The following BRCA2 variants were observed in gnomAD, a reference collection of about 807,000 sequenced individuals.
BRCA2 encodes the protein breast cancer type 2 susceptibility protein.
Under a neutral mutation model 276.7 loss-of-function variants are expected in BRCA2, and 203 were observed. The ratio of observed to expected loss-of-function variants is 0.73; its 90% CI spans 0.65 to 0.82. BRCA2 has a LOEUF of 0.82. Among genes scored for constraint, BRCA2 ranks in the 40% least tolerant of loss-of-function variants. BRCA2 has a pLI of 0.00. For synonymous variants in BRCA2, 1,289 were observed against 1,338.4 expected, an observed-to-expected ratio of 0.96 and a Z score of 0.81; for missense variants, 3,920 against 3,915.0, an observed-to-expected ratio of 1.00 and a Z score of -0.03.
At chr13:32,316,294 G>C (rs763675064) in intron 1 of BRCA2, 128 bp from the exon 2 acceptor site, 73 of 698,030 alleles carry the variant, frequency 1.0e-4, no homozygotes, top group Non-Finnish European at 1.8e-4. Context: ...ACAGTAAGCT[G>C]TTACCGTTCC....
rs587782583 is a variant in BRCA2 at position 32,339,979 on chromosome 13, A to C, written c.5624A>C (p.Lys1875Thr). Residue 1875 changes from lysine to threonine, a missense_variant, in exon 11 of 27, where the codon AAG (lysine) becomes ACG (threonine). By Grantham distance (78) the Lys-to-Thr change is moderately conservative. This residue lies in a region of BRCA2 where 3,263 missense variants were observed against 3,156.9 expected (regional missense o/e 1.03). Coordinates refer to ENST00000380152, the MANE Select transcript of BRCA2 (RefSeq NM_000059.4). ...ACAGACAGTTTCAGTAAAGTAATTA[A>C]GGAAAACAACGAGAATAAATCAAAA... is the stretch of plus-strand genomic sequence containing the variant. ...IFTDSFSKVI[K>T]ENNENKSKIC... is the part of the protein sequence containing the mutation. 1.9e-6 allele frequency: 3 copies of C among 1,611,348 alleles called. No homozygotes were observed. Among genetic ancestry groups the C allele is most frequent in the East Asian group, 4.5e-5 (2 of 44,854 alleles).
intron 24 of BRCA2, among the ~76,000 whole-genome samples, chr13:32,393,514 C>T (rs1285457185): frequency 2.6e-5 from 4 of 151,812 alleles, no homozygotes; most frequent in South Asian, 2.1e-4. Flanking sequence ...CATATGGACT[C>T]GTGTGTTCTT....
At chr13:32,351,524 C>T (rs1165806842) in intron 13 of BRCA2, among the ~76,000 whole-genome samples, 4 of 152,166 alleles carry the variant, frequency 2.6e-5, no homozygotes, top group Admixed American at 6.5e-5. Context: ...GGAACCAATT[C>T]CGGACACAGT....
In BRCA2 at chr13:32,356,597, T is replaced by G. The variant is rs966152147; in HGVS notation, c.7605T>G (p.Cys2535Trp). Reference protein sequence around the residue: ...AAVGGQVPSACSHKQLYTYGV... With the variant: ...AAVGGQVPSAWSHKQLYTYGV... ...TAGGAGGCCAAGTTCCCTCTGCGTGTTCTCATAAACAGGTATGTGTTTGTC... is the reference window on the plus strand; with the variant it reads ...TAGGAGGCCAAGTTCCCTCTGCGTGGTCTCATAAACAGGTATGTGTTTGTC... The change falls in exon 15 of 27, where the codon TGT (cysteine) becomes TGG (tryptophan). Residue 2535 changes from cysteine to tryptophan, a missense_variant. Coordinates refer to ENST00000380152, the MANE Select transcript of BRCA2 (RefSeq NM_000059.4). 2.5e-6 allele frequency: 4 copies of G among 1,614,204 alleles called. No homozygotes were observed. The highest frequency in any genetic ancestry group is 2.5e-6 in the Non-Finnish European group (3 of 1,180,020).
At position 32,394,886 on chromosome 13, in the gene BRCA2, G is replaced by A. The variant is rs80359218; in HGVS notation, c.9454G>A (p.Glu3152Lys). Reference sequence around the variant, plus strand: ...TTCTGTGTTTTCTGCTAGTCCAAAAGAGGGCCACTTTCAAGAGACATTCAA... The same window carrying A: ...TTCTGTGTTTTCTGCTAGTCCAAAAAAGGGCCACTTTCAAGAGACATTCAA... Reference protein sequence around the residue: ...DFSVFSASPKEGHFQETFNKM... With the variant: ...DFSVFSASPKKGHFQETFNKM... The change falls in exon 25 of 27, where the codon GAG becomes AAG. Residue 3152 changes from glutamate (E) to lysine (K), a missense_variant. Glu to Lys is a moderately conservative substitution (Grantham distance 56, BLOSUM62 1). Transcript: ENST00000380152. 1.1e-5 allele frequency: 18 copies of A among 1,614,094 alleles called. No individual in the cohort carries two copies. The Admixed American group carries it at 2.7e-4, about 24-fold the overall frequency.
Position 32,341,867 on chromosome 13 carries a change from C to CAA in BRCA2, c.6841+685_6841+686dup, listed in dbSNP as rs748134067. 1.7e-3 allele frequency among the ~76,000 whole-genome samples: 170 copies of CAA among 97,430 alleles called. 1 individual carries two copies. The highest frequency in any genetic ancestry group is 6.0e-3 in the African/African-American group (155 of 25,628). 63.9% of individuals were successfully genotyped at this position (97,430 alleles called of 152,430 possible). A position where few individuals can be genotyped will look rare whatever the true frequency, so the allele number is the denominator to read the frequency against. On this transcript the variant is annotated intron_variant, in intron 11 of 26. Transcript: ENST00000380152. The stretch of plus-strand genomic sequence containing the variant: ...TGGGCGACAGAGCGAGACTCCGTCT[C>CAA]AAAAAAAAAAAAAAAGTTGGTTTCC...
intron 14 of BRCA2, among the ~76,000 whole-genome samples, chr13:32,355,547 AC>A (rs1452186377): frequency 6.6e-6 from 1 of 152,148 alleles, no homozygotes; most frequent in African/African-American, 2.4e-5. Context: ...CTATCATGCT[AC>A]TAATTTTCTT....
At position 32,326,432 on chromosome 13, in the gene BRCA2, T is replaced by C. The variant is rs933685346; in HGVS notation, c.517-67T>C. The C allele has an allele frequency of 5.5e-6, 8 of 1,465,778 alleles. No individual in the cohort carries two copies. In the Admixed American group the frequency reaches 1.4e-4, roughly 25 times the overall value. 90.8% of individuals were successfully genotyped at this position (1,465,778 alleles called of 1,614,324 possible). On this transcript the variant is annotated intron_variant, in intron 6 of 26. Coordinates refer to ENST00000380152, the MANE Select transcript of BRCA2 (RefSeq NM_000059.4). ...AACGTTAAGTGAAATAAAGAGTGAA[T>C]GAAAAAATAATATCCTTAATGATCA... is the stretch of plus-strand genomic sequence containing the variant.
intron 9 of BRCA2, 23 bp downstream of exon 9, chr13:32,331,053 C>A (rs1229638410): frequency 1.3e-6 from 2 of 1,520,686 alleles, no homozygotes; most frequent in Non-Finnish European, 1.8e-6. Context: ...TTTAGTTGAA[C>A]TACAGGTTTT....
intron 16 of BRCA2, among the ~76,000 whole-genome samples, chr13:32,360,142 G>A (rs1819254385): frequency 6.6e-6 from 1 of 152,142 alleles, no homozygotes; most frequent in African/African-American, 2.4e-5. Context: ...AAAGGAGGGA[G>A]CATAGGACTA....
At chr13:32,341,867 C>CAAA (rs748134067) in intron 11 of BRCA2, among the ~76,000 whole-genome samples, 1 of 97,450 alleles carries the variant, frequency 1.0e-5, no homozygotes, top group Non-Finnish European at 2.2e-5. Context: ...GACTCCGTCT[C>CAAA]AAAAAAAAAA....
rs779226644 is a variant in BRCA2, at chr13:32,336,272, G to A, written c.1917G>A (p.Leu639=). The change falls in exon 11 of 27, where the codon TTG becomes TTA. Residue 639 remains leucine (L), a synonymous_variant. Transcript: ENST00000380152. ...LTFANADSGL[L]HSSVKRSCSQ... ...TTGTGTTTTTATGTTTAGGTTTATT[G>A]CATTCTTCTGTGAAAAGAAGCTGTT... 17 of 1,601,870 alleles carry A rather than the reference G, an allele frequency of 1.1e-5. No homozygotes were observed. In the South Asian group the frequency reaches 1.8e-4, roughly 17 times the overall value.
rs876659118 is a variant in BRCA2, at chr13:32,355,087, A to G, written c.7234A>G (p.Thr2412Ala). The change falls in exon 14 of 27, where the codon ACT becomes GCT. Residue 2412 changes from threonine to alanine, a missense_variant. By Grantham distance (58) the Thr-to-Ala change is moderately conservative. Coordinates refer to ENST00000380152, the MANE Select transcript of BRCA2 (RefSeq NM_000059.4). ...CAAAGTCTTTGTTCCACCTTTTAAA[A>G]CTAAATCACATTTTCACAGAGTTGA... ...PTKVFVPPFKTKSHFHRVEQC... is the reference protein window; with the variant it reads ...PTKVFVPPFKAKSHFHRVEQC... 1 of 1,613,946 alleles carries G rather than the reference A, an allele frequency of 6.2e-7. No individual in the cohort carries two copies. The highest frequency in any genetic ancestry group is 2.2e-5 in the East Asian group (1 of 44,844).
At chr13:32,332,157 A>G in intron 9 of BRCA2, 115 bp from the exon 10 acceptor site, 1 of 1,028,276 alleles carries the variant, frequency 9.7e-7, no homozygotes. Context: ...TTAAATACTG[A>G]TATGTAATAT....
At position 32,336,293 on chromosome 13, in the gene BRCA2, C is replaced by T. The variant is rs28897711; in HGVS notation, c.1938C>T (p.Ser646=). ...SGLLHSSVKR[S]CSQNDSEEPT... ...TATTGCATTCTTCTGTGAAAAGAAG[C>T]TGTTCACAGAATGATTCTGAAGAAC... The change falls in exon 11 of 27, where the codon AGC becomes AGT. Residue 646 remains serine (S), a synonymous_variant. Transcript: ENST00000380152. 2,013 of 1,603,172 alleles carry T rather than the reference C, an allele frequency of 1.3e-3. 5 individuals carry two copies. Among genetic ancestry groups the T allele is most frequent in the Non-Finnish European group, 1.4e-3 (1,669 of 1,175,898 alleles).
In BRCA2 at chr13:32,399,266, CTT is replaced by C. The variant is rs1349930842; in HGVS notation, c.*497_*498del. ...TGTGTCATTAAATGGAATGAGGTCT[CTT>C]AGTACAGTTATTTTGATGCAGATAA... On this transcript the variant is annotated 3_prime_UTR_variant, in exon 27 of 27. Coordinates refer to ENST00000380152, the MANE Select transcript of BRCA2 (RefSeq NM_000059.4). 5.0e-6 allele frequency: 1 copy of C among 201,412 alleles called. No individual in the cohort carries two copies. Among genetic ancestry groups the C allele is most frequent in the Non-Finnish European group, 1.0e-5 (1 of 98,230 alleles). 12.5% of individuals were successfully genotyped at this position (201,412 alleles called of 1,614,324 possible).
rs769152395 is a variant in BRCA2, at chr13:32,319,075, A to G, written c.68-2A>G. 2 of 1,610,836 alleles carry G rather than the reference A, an allele frequency of 1.2e-6. No individual in the cohort carries two copies. Among genetic ancestry groups the G allele is most frequent in the Non-Finnish European group, 1.7e-6 (2 of 1,178,812 alleles). On this transcript the variant is annotated splice_acceptor_variant, in intron 2 of 26. Transcript: ENST00000380152. LOFTEE classifies it high-confidence loss of function. ...CTAAGGTGGGATTTTTTTTTTAAAT[A>G]GATTTAGGACCAATAAGTCTTAATT...
At chr13:32,358,247 G>A (rs975380119) in intron 16 of BRCA2, among the ~76,000 whole-genome samples, 14 of 151,882 alleles carry the variant, frequency 9.2e-5, no homozygotes, top group Admixed American at 3.9e-4. Flanking sequence ...AGGCCGAGGC[G>A]GGTAGATCAC....
Position 32,336,574 on chromosome 13 carries a change from C to T in BRCA2, c.2219C>T (p.Pro740Leu), listed in dbSNP as rs2137484362. 1 of 1,613,936 alleles carries T rather than the reference C, an allele frequency of 6.2e-7. No homozygotes were observed. Among genetic ancestry groups the T allele is most frequent in the Non-Finnish European group, 8.5e-7 (1 of 1,179,946 alleles). Residue 740 changes from proline (P) to leucine (L), a missense_variant, in exon 11 of 27, where the codon CCA becomes CTA. Transcript: ENST00000380152. ...GAGGTCTTGGCTGCAGCATGTCACCCAGTACAACATTCAAAAGTGGAATAC... is the reference window on the plus strand; with the variant it reads ...GAGGTCTTGGCTGCAGCATGTCACCTAGTACAACATTCAAAAGTGGAATAC... ...KEEVLAAACH[P>L]VQHSKVEYSD...
Sources: gnomAD v4.1 joint callset for allele counts (sites outside exome capture counted in the v4.1 genomes callset) on GRCh38, gnomAD v4.1.1 for gene constraint, gnomAD v4.1.1 regional missense constraint, MANE v1.5 for transcripts, NCBI Gene and HGNC (gene_info 2026-07-23, HGNC 2026-07-21) for gene names.